The following DGKG variants were observed in gnomAD, a reference collection of about 807,000 sequenced individuals.
DGKG encodes the protein DAG kinase gamma.
In DGKG, 78 loss-of-function variants were observed where a neutral mutation model predicts 105.3. The ratio of observed to expected loss-of-function variants is 0.74; its 90% confidence interval spans 0.62 to 0.89. DGKG has a LOEUF of 0.89. Among genes scored for constraint, DGKG ranks in the 40% least tolerant of loss-of-function variants. The pLI is 0.00. For missense variants in DGKG, 958 were observed against 1,020.1 expected (o/e 0.94, Z 0.83); for synonymous variants, 346 against 367.1 (o/e 0.94, Z 0.66).
chr3:186,280,675 T>A lies in DGKG; in HGVS notation c.664A>T (p.Arg222Trp). Residue 222 changes from arginine to tryptophan, a missense_variant, in exon 8 of 25, where the codon AGG becomes TGG. Physicochemically the swap from Arg to Trp is moderately radical, Grantham distance 101. Transcript: ENST00000265022. ...QYLEWDPTEL[R>W]PILKEMLQGM... is the part of the protein sequence containing the mutation. The stretch of plus-strand genomic sequence containing the variant: ...CCATCCTTATAGAAACTCACAGGCC[T>A]CAGCTCTGTGGGATCCCACTCCAGG... The A allele has an allele frequency of 6.2e-7, 1 of 1,613,758 alleles. No homozygotes were observed. The highest frequency in any genetic ancestry group is 8.5e-7 in the Non-Finnish European group (1 of 1,179,668).
Position 186,218,899 on chromosome 3 carries a change from G to A in DGKG, c.1827-7014C>T, listed in dbSNP as rs140869976. Among the ~76,000 whole-genome samples, 1,479 of 152,218 alleles carry A rather than the reference G, an allele frequency of 9.7e-3. 24 individuals are homozygous for A. The highest frequency in any genetic ancestry group is 0.034 in the African/African-American group (1,404 of 41,524). On this transcript the variant is annotated intron_variant, in intron 20 of 24. Coordinates refer to ENST00000265022, the MANE Select transcript of DGKG (RefSeq NM_001346.3). ...CTCAATCCCATTTGGGATTTGCTGG[G>A]TTATTAGCGGTGTTATTGCTACCAC...
intron 22 of DGKG, among the ~76,000 whole-genome samples, chr3:186,169,828 G>A (rs1346911411): frequency 6.6e-6 from 1 of 152,228 alleles, no homozygotes. Context: ...TAAGGGCATT[G>A]ATGATATTGG....
chr3:186,201,912 C>T (rs1718484814), intron 21 of DGKG, among the ~76,000 whole-genome samples: 1 of 152,176 alleles, frequency 6.6e-6, no homozygotes, highest in Admixed American at 6.5e-5. Flanking sequence ...TGAATGGGAG[C>T]CCCTTTATCA....
At chr3:186,167,555 G>T (rs1716606197) in intron 22 of DGKG, among the ~76,000 whole-genome samples, 1 of 152,172 alleles carries the variant, frequency 6.6e-6, no homozygotes, top group Non-Finnish European at 1.5e-5. Context: ...AAATGAAAAA[G>T]AACAGAATGC....
chr3:186,317,265 C>G (rs1316853492), intron 2 of DGKG, among the ~76,000 whole-genome samples: 1 of 152,218 alleles, frequency 6.6e-6, no homozygotes, highest in Admixed American at 6.5e-5. Flanking sequence ...AGAGGCATAC[C>G]TTAAGCCTCA....
At position 186,314,193 on chromosome 3, in the gene DGKG, A is replaced by G. The variant is rs538212143; in HGVS notation, c.67+6200T>C. On this transcript the variant is annotated intron_variant, in intron 2 of 24. Transcript: ENST00000265022. ...TATCTGCACACACACACACACACACACACACACACACACACACACACACAC... is the reference window on the plus strand; with the variant it reads ...TATCTGCACACACACACACACACACGCACACACACACACACACACACACAC... Among the ~76,000 whole-genome samples, 891 of 147,024 alleles carry G rather than the reference A, an allele frequency of 6.1e-3. 10 individuals carry two copies. The highest frequency in any genetic ancestry group is 0.024 in the Middle Eastern group (7 of 290).
chr3:186,228,262 T>C (rs1719949254), intron 20 of DGKG, among the ~76,000 whole-genome samples: 1 of 152,150 alleles, frequency 6.6e-6, no homozygotes. Context: ...GGCAGCAGAG[T>C]TGGCTCCTTC....
intron 20 of DGKG, among the ~76,000 whole-genome samples, chr3:186,225,436 C>G (rs1719812228): frequency 6.6e-6 from 1 of 152,146 alleles, no homozygotes; most frequent in Non-Finnish European, 1.5e-5. Flanking sequence ...CATCACAACC[C>G]TAAGGTTATA....
At chr3:186,221,028 C>CG (rs1332795036) in intron 20 of DGKG, among the ~76,000 whole-genome samples, 1 of 152,176 alleles carries the variant, frequency 6.6e-6, no homozygotes, top group Non-Finnish European at 1.5e-5. Flanking sequence ...TGTGCACGTG[C>CG]GGGCACACAC....
rs3774057 is a variant in DGKG at position 186,180,468 on chromosome 3, T to C, written c.2095+7734A>G. Among the ~76,000 whole-genome samples, 107 of 152,260 alleles carry C rather than the reference T, an allele frequency of 7.0e-4. 2 individuals are homozygous for C. The East Asian group carries it at 0.018, about 25-fold the overall frequency. Reference sequence around the variant, plus strand: ...CACCCATAGTACTTCTGGGGCTCCCTAGGGGTCACCTGTCTTGCTCTGTCT... The same window carrying C: ...CACCCATAGTACTTCTGGGGCTCCCCAGGGGTCACCTGTCTTGCTCTGTCT... On this transcript the variant is annotated intron_variant, in intron 22 of 24. Coordinates refer to ENST00000265022, the MANE Select transcript of DGKG (RefSeq NM_001346.3).
chr3:186,179,802 AGAGT>A (rs1244666549), intron 22 of DGKG, among the ~76,000 whole-genome samples: 1 of 152,202 alleles, frequency 6.6e-6, no homozygotes, highest in Non-Finnish European at 1.5e-5. Context: ...AGAGGAGAGA[AGAGT>A]GAGAATTGGA....
intron 21 of DGKG, among the ~76,000 whole-genome samples, chr3:186,209,850 A>G (rs1233429990): frequency 6.6e-6 from 1 of 152,152 alleles, no homozygotes; most frequent in Non-Finnish European, 1.5e-5. Context: ...CCCAATCCTG[A>G]GGGCTGTCAG....
intron 24 of DGKG, chr3:186,159,443 G>C (rs1369260465): frequency 6.6e-6 from 1 of 152,090 alleles, no homozygotes; most frequent in African/African-American, 2.4e-5. Context: ...ATAATCTCAG[G>C]TTTGGGATAC....
intron 22 of DGKG, among the ~76,000 whole-genome samples, chr3:186,165,881 C>T (rs560167609): frequency 1.1e-4 from 16 of 152,328 alleles, no homozygotes; most frequent in East Asian, 1.9e-4. Flanking sequence ...CAAAATAAAA[C>T]GGCAGATTTT....
At chr3:186,287,035 A>AAAATAAAT (rs56077495) in intron 6 of DGKG, among the ~76,000 whole-genome samples, 53,303 of 142,316 alleles carry the variant, frequency 0.37, 10,220 homozygotes, top group Non-Finnish European at 0.4. Flanking sequence ...ACTCCATCTC[A>AAAATAAAT]AAATAAATAA....
At chr3:186,335,852 T>C (rs1395240160) in intron 1 of DGKG, among the ~76,000 whole-genome samples, 2 of 152,188 alleles carry the variant, frequency 1.3e-5, no homozygotes, top group Non-Finnish European at 2.9e-5. Context: ...CAGCACTGTT[T>C]AAAATAGCAA....
chr3:186,225,232 G>A (rs1165897774), intron 20 of DGKG, among the ~76,000 whole-genome samples: 1 of 151,936 alleles, frequency 6.6e-6, no homozygotes, highest in East Asian at 1.9e-4. Flanking sequence ...TTCGCAAAGT[G>A]TAGGGATTAC....
At chr3:186,250,840 G>A (rs1194565259) in intron 19 of DGKG, among the ~76,000 whole-genome samples, 3 of 152,174 alleles carry the variant, frequency 2.0e-5, no homozygotes, top group South Asian at 2.1e-4. Flanking sequence ...GTGAGCTACC[G>A]TGCCTGACCA....
At chr3:186,272,418 G>T in intron 10 of DGKG, 75 bp from the exon 11 acceptor site, 1 of 1,064,932 alleles carries the variant, frequency 9.4e-7, no homozygotes, top group Non-Finnish European at 1.5e-6. Flanking sequence ...TCCCACCCTA[G>T]CCAAGGTCTG....
Sources: allele counts gnomAD v4.1 joint callset (sites outside exome capture counted in the v4.1 genomes callset), GRCh38; gene constraint gnomAD v4.1.1; transcripts MANE v1.5; gene names NCBI Gene and HGNC (gene_info 2026-07-23, HGNC 2026-07-21).